CTNNAL1: variants seen among roughly 807,000 people sequenced by gnomAD.
The protein encoded by CTNNAL1 is catenin alpha like 1, also known as alpha-catulin.
A neutral mutation model predicts 93.6 loss-of-function variants in CTNNAL1; 69 were observed. The ratio of observed to expected loss-of-function variants is 0.74; its 90% CI spans 0.61 to 0.90. CTNNAL1 has a LOEUF of 0.90. Ranked by LOEUF, CTNNAL1 falls within the 40% of genes least tolerant of loss-of-function variation. The pLI, the probability that CTNNAL1 is intolerant of heterozygous loss-of-function variation, is 0.00. For synonymous variants in CTNNAL1, 286 were observed against 305.4 expected (o/e 0.94, Z 0.66); for missense variants, 836 against 862.0 (o/e 0.97, Z 0.38).
rs761379970 is a variant in CTNNAL1 at position 108,970,486 on chromosome 9, T to C, written c.1356A>G (p.Arg452=). 1 of 1,611,018 alleles carries C rather than the reference T, an allele frequency of 6.2e-7. No homozygotes were observed. The highest frequency in any genetic ancestry group is 1.7e-5 in the Admixed American group (1 of 59,472). The change falls in exon 10 of 19, where the codon CGA becomes CGG. Residue 452 remains arginine (R), a synonymous_variant. Coordinates refer to ENST00000325551, the MANE Select transcript of CTNNAL1 (RefSeq NM_003798.4). ...EQKEQLVETC[R]LLRHISGTEP... Reference sequence around the variant, plus strand: ...CTGTCCCAGATATGTGTCGTAACAATCGACAGGTCTACAAGACAATATGTC... The same window carrying C: ...CTGTCCCAGATATGTGTCGTAACAACCGACAGGTCTACAAGACAATATGTC...
chr9:108,984,560 A>C (rs535868874), intron 4 of CTNNAL1, 124 bp from the exon 5 acceptor site: 7 of 571,318 alleles, frequency 1.2e-5, no homozygotes, highest in African/African-American at 1.1e-4. Context: ...AAAAAAAAAA[A>C]AAACCAGGAT....
In CTNNAL1 at chr9:108,999,251, G is replaced by A. The variant is rs1397646220; in HGVS notation, c.147C>T (p.Thr49=). ...TATTATCTTTATGATTAATAAGCGT[G>A]GTGATCTAAAAATAAAAGATAAAAG... ...QTLLPLVSQI[T]TLINHKDNTK... is the part of the protein sequence containing the mutation. Residue 49 remains threonine, a synonymous_variant, in exon 2 of 19, where the codon ACC becomes ACT. Coordinates refer to ENST00000325551, the MANE Select transcript of CTNNAL1 (RefSeq NM_003798.4). 1.3e-6 allele frequency: 2 copies of A among 1,577,938 alleles called. No individual in the cohort carries two copies. The highest frequency in any genetic ancestry group is 1.7e-6 in the Non-Finnish European group (2 of 1,166,208).
intron 10 of CTNNAL1, among the ~76,000 whole-genome samples, 190 bp downstream of exon 10, chr9:108,970,212 G>C (rs1207469434): frequency 6.6e-6 from 1 of 152,148 alleles, no homozygotes; most frequent in Non-Finnish European, 1.5e-5. Flanking sequence ...CTCCAATTTG[G>C]CAGATGACCA....
chr9:108,982,675 G>A (rs1027088410), intron 6 of CTNNAL1, among the ~76,000 whole-genome samples: 4 of 152,208 alleles, frequency 2.6e-5, no homozygotes, highest in East Asian at 1.9e-4. Context: ...TGAGCAACAA[G>A]TTTGTACAGA....
chr9:108,986,442 G>C (rs1376489955), intron 4 of CTNNAL1, among the ~76,000 whole-genome samples: 36 of 150,566 alleles, frequency 2.4e-4, no homozygotes, highest in Admixed American at 1.0e-3. Context: ...GGACATTTGG[G>C]TTGGTTCCAA....
chr9:109,010,976 C>T (rs1261421270), intron 1 of CTNNAL1, among the ~76,000 whole-genome samples: 2 of 152,144 alleles, frequency 1.3e-5, no homozygotes, highest in Non-Finnish European at 2.9e-5. Context: ...AGAATATAAG[C>T]CCCTCAAAAA....
intron 2 of CTNNAL1, among the ~76,000 whole-genome samples, chr9:108,994,611 G>A (rs1831946660): frequency 6.6e-6 from 1 of 152,214 alleles, no homozygotes. Context: ...GATGTCTTGT[G>A]TATAATGACA....
intron 1 of CTNNAL1, among the ~76,000 whole-genome samples, chr9:109,004,248 T>C (rs1026037789): frequency 3.3e-5 from 5 of 152,140 alleles, no homozygotes; most frequent in African/African-American, 1.2e-4. Flanking sequence ...ACATTTCAAT[T>C]CTAGAGACCG....
chr9:108,952,046 G>A (rs1293604875), intron 14 of CTNNAL1, among the ~76,000 whole-genome samples, 163 bp downstream of exon 14: 1 of 152,182 alleles, frequency 6.6e-6, no homozygotes, highest in Non-Finnish European at 1.5e-5. Flanking sequence ...CATGTGTCTT[G>A]TTGTTGCATT....
At chr9:109,003,198 G>T (rs957504274) in intron 1 of CTNNAL1, among the ~76,000 whole-genome samples, 1 of 152,184 alleles carries the variant, frequency 6.6e-6, no homozygotes, top group Non-Finnish European at 1.5e-5. Context: ...GAAGCCTAAA[G>T]ATATTATTCC....
chr9:108,958,748 CAG>C (rs760618966), intron 11 of CTNNAL1, among the ~76,000 whole-genome samples: 5 of 150,312 alleles, frequency 3.3e-5, no homozygotes, highest in East Asian at 3.9e-4. Context: ...TTTTTTGAGA[CAG>C]AGTCTCACTC....
intron 4 of CTNNAL1, among the ~76,000 whole-genome samples, chr9:108,987,236 T>C (rs1015810128): frequency 4.2e-4 from 64 of 152,158 alleles, no homozygotes; most frequent in African/African-American, 1.4e-3. Flanking sequence ...CAGTTTCAGC[T>C]TTCTACATAT....
At position 108,943,051 on chromosome 9, in the gene CTNNAL1, T is replaced by C. The variant is rs753008875; in HGVS notation, c.2056-7A>G. 2 of 1,601,526 alleles carry C rather than the reference T, an allele frequency of 1.2e-6. No individual in the cohort carries two copies. The highest frequency in any genetic ancestry group is 3.5e-5 in the Admixed American group (2 of 57,310). On this transcript the variant is annotated splice_polypyrimidine_tract_variant and splice_region_variant and intron_variant, in intron 17 of 18. Transcript: ENST00000325551. ...TCGTAATACACTTGTCAACCTACAA[T>C]GACAAAAAGCATGCAAATGATATTC... is the stretch of plus-strand genomic sequence containing the variant.
At chr9:108,948,098 C>T in intron 15 of CTNNAL1, 88 bp downstream of exon 15, 2 of 1,408,428 alleles carry the variant, frequency 1.4e-6, no homozygotes, top group Non-Finnish European at 2.0e-6. Flanking sequence ...AGCATATACA[C>T]ATGATATAAT....
chr9:108,960,469 T>C (rs1830795614), intron 11 of CTNNAL1, among the ~76,000 whole-genome samples: 1 of 152,104 alleles, frequency 6.6e-6, no homozygotes, highest in Non-Finnish European at 1.5e-5. Flanking sequence ...TGGCATCCAA[T>C]CTGCCAAACG....
At chr9:108,986,500 G>A (rs1011747066) in intron 4 of CTNNAL1, among the ~76,000 whole-genome samples, 1 of 151,998 alleles carries the variant, frequency 6.6e-6, no homozygotes, top group Non-Finnish European at 1.5e-5. Flanking sequence ...GTGTGCATGT[G>A]TCTTTACAGC....
At chr9:108,982,909 C>T (rs1160477388) in intron 6 of CTNNAL1, among the ~76,000 whole-genome samples, 1 of 152,058 alleles carries the variant, frequency 6.6e-6, no homozygotes, top group African/African-American at 2.4e-5. Flanking sequence ...GAAACCCCGT[C>T]TCTACCAAAA....
At chr9:109,005,182 G>A (rs1448112180) in intron 1 of CTNNAL1, among the ~76,000 whole-genome samples, 3 of 151,950 alleles carry the variant, frequency 2.0e-5, no homozygotes, top group Admixed American at 6.6e-5. Context: ...ATGCTGCTGG[G>A]AAGCACAGAA....
rs183698101 is a variant in CTNNAL1 at position 108,975,192 on chromosome 9, T to C, written c.1188+1770A>G. ...AAATAAATAAATAAAAATAAAAGAA[T>C]TAAGAAAGCACAGCTAAGGGAAATG... On this transcript the variant is annotated intron_variant, in intron 8 of 18. Coordinates refer to ENST00000325551, the MANE Select transcript of CTNNAL1 (RefSeq NM_003798.4). Among the ~76,000 whole-genome samples the C allele has an allele frequency of 2.6e-3, 389 of 151,942 alleles. 4 individuals are homozygous for C. Among genetic ancestry groups the C allele is most frequent in the African/African-American group, 8.7e-3 (361 of 41,430 alleles).
Sources: gnomAD v4.1 joint callset for allele counts (sites outside exome capture counted in the v4.1 genomes callset) on GRCh38, gnomAD v4.1.1 for gene constraint, MANE v1.5 for transcripts, NCBI Gene and HGNC (gene_info 2026-07-23, HGNC 2026-07-21) for gene names.